The following CIRSR variants were observed in gnomAD, a reference collection of about 807,000 sequenced individuals.
CIRSR encodes the protein CBF1 (RBPJ) interacting corepressor 1.
At chr2:174,378,734 C>A in the CIRSR span, 1 of 599,368 alleles carries the variant, frequency 1.7e-6, no homozygotes. Context: ...TATTACACAG[C>A]ATTTTAATTC....
chr2:174,381,869 TTAAGA>T, the CIRSR span: 3 of 812,106 alleles, frequency 3.7e-6, no homozygotes, highest in African/African-American at 5.3e-5. Flanking sequence ...CCTAAGGGAA[TTAAGA>T]TAAAATATTT....
chr2:174,356,218 C>T, the CIRSR span, among the ~76,000 whole-genome samples: 3 of 152,026 alleles, frequency 2.0e-5, no homozygotes. Flanking sequence ...GTAGTCCCGG[C>T]ACTTTGGGAG....
At chr2:174,382,936 A>G in the CIRSR span, among the ~76,000 whole-genome samples, 1 of 152,242 alleles carries the variant, frequency 6.6e-6, no homozygotes, top group Non-Finnish European at 1.5e-5. Context: ...CACAAAGGAT[A>G]TATGACATGA....
At chr2:174,378,816 C>T in the CIRSR span, 6 of 834,042 alleles carry the variant, frequency 7.2e-6, no homozygotes, top group Admixed American at 5.3e-5. Context: ...ACAAACAAGC[C>T]CCACACACAA....
the CIRSR span, chr2:174,348,736 C>A: frequency 1.2e-6 from 2 of 1,614,206 alleles, no homozygotes; most frequent in Non-Finnish European, 1.7e-6. Flanking sequence ...TCCTTTCTTT[C>A]AGAGCCTCTC....
the CIRSR span, chr2:174,381,605 T>A: frequency 1.2e-6 from 1 of 819,752 alleles, no homozygotes; most frequent in South Asian, 1.9e-5. Flanking sequence ...TGTAGTGTGC[T>A]GAGATGGCAC....
chr2:174,384,066 T>C, the CIRSR span, among the ~76,000 whole-genome samples: 1 of 152,172 alleles, frequency 6.6e-6, no homozygotes, highest in African/African-American at 2.4e-5. Context: ...CTTGACCAGG[T>C]ATTTCTATGC....
the CIRSR span, among the ~76,000 whole-genome samples, chr2:174,390,293 G>A: frequency 4.6e-5 from 7 of 152,378 alleles, no homozygotes; most frequent in Admixed American, 2.0e-4. Flanking sequence ...GAGACATGAA[G>A]TCAAAGGAGA....
chr2:174,361,597 A>G, the CIRSR span, among the ~76,000 whole-genome samples: 2 of 152,248 alleles, frequency 1.3e-5, no homozygotes, highest in African/African-American at 4.8e-5. Flanking sequence ...ACCATGGCTT[A>G]GTGCAGCATT....
At chr2:174,363,913 T>A in the CIRSR span, among the ~76,000 whole-genome samples, 1 of 152,030 alleles carries the variant, frequency 6.6e-6, no homozygotes, top group Non-Finnish European at 1.5e-5. Context: ...CCCTGGCCCT[T>A]CCCCAATCTC....
chr2:174,351,492 G>T, the CIRSR span: 1 of 608,078 alleles, frequency 1.6e-6, no homozygotes, highest in Non-Finnish European at 2.7e-6. Context: ...CACATTTTGG[G>T]CATTTTCTTT....
At chr2:174,354,551 TTA>T in the CIRSR span, among the ~76,000 whole-genome samples, 1 of 38,384 alleles carries the variant, frequency 2.6e-5, no homozygotes, top group African/African-American at 6.9e-5. Flanking sequence ...ATATATTATA[TTA>T]TATATATTTT....
the CIRSR span, among the ~76,000 whole-genome samples, chr2:174,384,617 G>A: frequency 6.6e-6 from 1 of 151,380 alleles, no homozygotes; most frequent in Non-Finnish European, 1.5e-5. Context: ...TAGAGACAAA[G>A]TCTCACTATG....
chr2:174,348,841 T>C, the CIRSR span: 3 of 1,614,218 alleles, frequency 1.9e-6, no homozygotes, highest in South Asian at 1.1e-5. Context: ...TTTAAGAACC[T>C]GGGCTTTTCC....
At chr2:174,384,355 A>AG in the CIRSR span, among the ~76,000 whole-genome samples, 30 of 152,328 alleles carry the variant, frequency 2.0e-4, no homozygotes, top group South Asian at 6.0e-3. Flanking sequence ...GGTGGTTGCC[A>AG]GGGGCTGTGG....
At chr2:174,350,714 G>A in the CIRSR span, 1 of 1,609,332 alleles carries the variant, frequency 6.2e-7, no homozygotes, top group African/African-American at 1.3e-5. Context: ...TTCAACTTCT[G>A]GATCTTCTTC....
At chr2:174,351,129 T>C in the CIRSR span, among the ~76,000 whole-genome samples, 1 of 152,354 alleles carries the variant, frequency 6.6e-6, no homozygotes, top group South Asian at 2.1e-4. Context: ...TTTACAGGAA[T>C]GTCAAAATAT....
chr2:174,382,981 T>C, the CIRSR span, among the ~76,000 whole-genome samples: 1 of 152,138 alleles, frequency 6.6e-6, no homozygotes, highest in Non-Finnish European at 1.5e-5. Flanking sequence ...CTGGATTCTA[T>C]AAAGACCTGT....
At chr2:174,369,693 A>C in the CIRSR span, among the ~76,000 whole-genome samples, 2 of 152,228 alleles carry the variant, frequency 1.3e-5, no homozygotes, top group Non-Finnish European at 2.9e-5. Flanking sequence ...TGTGTCTCAG[A>C]GAACAGGGAG....
Sources: gnomAD v4.1 joint callset for allele counts (sites outside exome capture counted in the v4.1 genomes callset) on GRCh38, gnomAD v4.1.1 for gene constraint, MANE v1.5 for transcripts, NCBI Gene and HGNC (gene_info 2026-07-23, HGNC 2026-07-21) for gene names.